Variants in DCLK1 observed in about 807,000 individuals in gnomAD.
DCLK1 encodes the protein doublecortin like kinase 1.
A neutral mutation model predicts 86.2 loss-of-function variants in DCLK1; 16 were observed. The observed-to-expected ratio is 0.19, with a 90% CI of 0.13 to 0.28. The LOEUF (loss-of-function observed/expected upper bound fraction) is 0.28, where lower values mean the gene tolerates loss of function less well. DCLK1 is among the 10% of genes least tolerant of loss of function. DCLK1 has a pLI of 1.00. For missense variants in DCLK1, 590 were observed against 940.2 expected (o/e 0.63, Z 4.87); for synonymous variants, 369 against 370.5 (o/e 1.00, Z 0.05).
chr13:36,101,197 G>T (rs1381562523), intron 3 of DCLK1, among the ~76,000 whole-genome samples: 1 of 152,214 alleles, frequency 6.6e-6, no homozygotes, highest in Non-Finnish European at 1.5e-5. Context: ...GCATGCACAT[G>T]CACTTTGTGG....
chr13:35,873,168 G>A (rs1872391103), intron 4 of DCLK1, among the ~76,000 whole-genome samples: 1 of 151,774 alleles, frequency 6.6e-6, no homozygotes, highest in African/African-American at 2.4e-5. Flanking sequence ...TATGGTGGTG[G>A]GCGCCAGTAA....
chr13:36,085,813 AC>A (rs79489455), intron 3 of DCLK1, among the ~76,000 whole-genome samples: 18,436 of 151,666 alleles, frequency 0.12, 1,507 homozygotes, highest in East Asian at 0.32. Flanking sequence ...AGACCAAGAG[AC>A]CCCCTGACTC....
At chr13:36,084,284 C>A (rs971438762) in intron 3 of DCLK1, among the ~76,000 whole-genome samples, 2 of 152,160 alleles carry the variant, frequency 1.3e-5, no homozygotes, top group Admixed American at 6.5e-5. Context: ...TCCCTTATCC[C>A]CAGACAGTTC....
At chr13:35,855,807 C>A (rs1012193773) in intron 5 of DCLK1, 20 of 1,253,596 alleles carry the variant, frequency 1.6e-5, no homozygotes, top group Admixed American at 1.4e-4. Flanking sequence ...CCCGACACCA[C>A]TCCCTTCCGG....
chr13:35,876,494 A>T (rs142467530), intron 4 of DCLK1, among the ~76,000 whole-genome samples: 2,468 of 152,344 alleles, frequency 0.016, 38 homozygotes, highest in Non-Finnish European at 0.027. Flanking sequence ...TAAAGTTTAG[A>T]TTTTCCATGT....
At chr13:36,062,781 C>T (rs1883600758) in intron 3 of DCLK1, among the ~76,000 whole-genome samples, 1 of 152,170 alleles carries the variant, frequency 6.6e-6, no homozygotes, top group Admixed American at 6.5e-5. Flanking sequence ...TTCTTCCAGA[C>T]TAGACTGGAT....
chr13:35,798,823 A>AT (rs1454576834), intron 15 of DCLK1, among the ~76,000 whole-genome samples: 1 of 152,194 alleles, frequency 6.6e-6, no homozygotes, highest in Non-Finnish European at 1.5e-5. Context: ...GAATGTTTAC[A>AT]TTTTTGTGTG....
At chr13:36,006,972 A>T (rs1274230320) in intron 3 of DCLK1, among the ~76,000 whole-genome samples, 1 of 152,228 alleles carries the variant, frequency 6.6e-6, no homozygotes, top group African/African-American at 2.4e-5. Context: ...TCAGATTCAT[A>T]ACATAATGCT....
intron 3 of DCLK1, among the ~76,000 whole-genome samples, chr13:36,023,272 T>C (rs1881864620): frequency 6.6e-6 from 1 of 152,200 alleles, no homozygotes; most frequent in Non-Finnish European, 1.5e-5. Context: ...CGTTCAAATC[T>C]GCAGTGTATG....
intron 3 of DCLK1, among the ~76,000 whole-genome samples, chr13:36,019,099 A>G (rs1192802953): frequency 1.3e-5 from 2 of 152,162 alleles, no homozygotes; most frequent in African/African-American, 4.8e-5. Context: ...CCAAAATGAG[A>G]TGCATTTTTT....
chr13:36,047,924 C>T (rs981003046), intron 3 of DCLK1, among the ~76,000 whole-genome samples: 14 of 152,270 alleles, frequency 9.2e-5, no homozygotes, highest in African/African-American at 3.1e-4. Context: ...CACCACTGAA[C>T]TCCAGCGTGG....
At chr13:35,848,820 T>C (rs1006619958) in intron 6 of DCLK1, 6 of 985,362 alleles carry the variant, frequency 6.1e-6, no homozygotes, top group Non-Finnish European at 6.0e-6. Flanking sequence ...TAATCTTTTA[T>C]GGACCCAACT....
chr13:36,069,513 A>C (rs1306043822), intron 3 of DCLK1, among the ~76,000 whole-genome samples: 1 of 152,210 alleles, frequency 6.6e-6, no homozygotes, highest in Non-Finnish European at 1.5e-5. Context: ...TCATAAGGCA[A>C]CTTTCAGTCA....
intron 15 of DCLK1, chr13:35,805,272 G>C (rs1353923950): frequency 6.2e-6 from 1 of 161,394 alleles, no homozygotes; most frequent in East Asian, 1.8e-4. Context: ...CACATATGAG[G>C]GGGAGGAACA....
intron 5 of DCLK1, among the ~76,000 whole-genome samples, chr13:35,867,742 A>T (rs905445549): frequency 6.6e-6 from 1 of 151,990 alleles, no homozygotes; most frequent in African/African-American, 2.4e-5. Context: ...AAATGAAATT[A>T]TTGCCTATAT....
At chr13:35,826,539 A>AGGAGGG (rs776444323) in intron 10 of DCLK1, among the ~76,000 whole-genome samples, 3 of 45,272 alleles carry the variant, frequency 6.6e-5, no homozygotes, top group African/African-American at 1.6e-4. Context: ...AAAAAAAAAA[A>AGGAGGG]AAAGAAAGAA....
At chr13:36,073,674 G>A (rs1884061303) in intron 3 of DCLK1, among the ~76,000 whole-genome samples, 3 of 152,140 alleles carry the variant, frequency 2.0e-5, no homozygotes. Context: ...CCTCCAGACA[G>A]CCAAGGAGGA....
intron 6 of DCLK1, among the ~76,000 whole-genome samples, chr13:35,851,995 A>ATGTGTGTGTGTGTGTGTG (rs1555344390): frequency 4.2e-5 from 6 of 143,540 alleles, no homozygotes; most frequent in African/African-American, 1.5e-4. Flanking sequence ...ATGTGTGTGT[A>ATGTGTGTGTGTGTGTGTG]TGTGTGTGTG....
intron 4 of DCLK1, among the ~76,000 whole-genome samples, chr13:35,881,351 G>A (rs1392578957): frequency 6.6e-6 from 1 of 152,124 alleles, no homozygotes; most frequent in African/African-American, 2.4e-5. Flanking sequence ...CAATCCCGTA[G>A]AGTGCCCCAC....
Sources: allele counts gnomAD v4.1 joint callset (sites outside exome capture counted in the v4.1 genomes callset), GRCh38; gene constraint gnomAD v4.1.1; transcripts MANE v1.5; gene names NCBI Gene and HGNC (gene_info 2026-07-23, HGNC 2026-07-21).